Variants in TMEM108 observed in about 807,000 individuals in gnomAD.
TMEM108 encodes transmembrane protein 108.
In TMEM108, 12 loss-of-function variants were observed where a neutral mutation model predicts 35.1. The observed-to-expected ratio is 0.34, with a 90% confidence interval of 0.22 to 0.55. The LOEUF (loss-of-function observed/expected upper bound fraction) is 0.55. Among genes scored for constraint, TMEM108 ranks in the 20% least tolerant of loss-of-function variants. The pLI, the probability that TMEM108 is intolerant of heterozygous loss-of-function variation, is 0.89. For missense variants in TMEM108, 680 were observed against 753.3 expected, an observed-to-expected ratio of 0.90 and a Z score of 1.14; for synonymous variants, 287 against 308.6, an observed-to-expected ratio of 0.93 and a Z score of 0.73.
At chr3:133,051,349 A>G (rs1943402101) in intron 2 of TMEM108, among the ~76,000 whole-genome samples, 1 of 152,006 alleles carries the variant, frequency 6.6e-6, no homozygotes, top group Admixed American at 6.6e-5. Context: ...TCTTTGGACT[A>G]TTTTTTACTC....
chr3:133,297,841 A>G (rs754586997), intron 3 of TMEM108, among the ~76,000 whole-genome samples: 7 of 152,202 alleles, frequency 4.6e-5, no homozygotes, highest in African/African-American at 9.7e-5. Flanking sequence ...TAAGATACTG[A>G]GATCAGAGAA....
At chr3:133,283,083 G>A (rs985554055) in intron 3 of TMEM108, among the ~76,000 whole-genome samples, 3 of 152,056 alleles carry the variant, frequency 2.0e-5, no homozygotes, top group African/African-American at 7.2e-5. Context: ...TAGCAAGAGT[G>A]GTGAGAATTT....
At chr3:133,275,461 T>C (rs1946826246) in intron 3 of TMEM108, among the ~76,000 whole-genome samples, 1 of 152,214 alleles carries the variant, frequency 6.6e-6, no homozygotes, top group South Asian at 2.1e-4. Flanking sequence ...TTACATTGCA[T>C]TTAAGTTCAG....
intron 3 of TMEM108, among the ~76,000 whole-genome samples, chr3:133,339,059 C>CA (rs916502594): frequency 2.0e-5 from 3 of 151,522 alleles, no homozygotes; most frequent in African/African-American, 7.3e-5. Context: ...GAGAAGACCA[C>CA]AAAACAACCA....
chr3:133,391,649 T>G (rs2073236456), intron 5 of TMEM108, among the ~76,000 whole-genome samples: 2 of 152,144 alleles, frequency 1.3e-5, no homozygotes, highest in South Asian at 4.1e-4. Flanking sequence ...CCAGGTTACA[T>G]CACACCCACT....
intron 3 of TMEM108, among the ~76,000 whole-genome samples, chr3:133,244,706 C>T (rs1946360977): frequency 6.6e-6 from 1 of 152,204 alleles, no homozygotes; most frequent in Non-Finnish European, 1.5e-5. Context: ...CCTGACAATC[C>T]TCCAAATTTC....
intron 2 of TMEM108, among the ~76,000 whole-genome samples, chr3:133,124,603 C>T (rs1944392037): frequency 6.6e-6 from 1 of 152,190 alleles, no homozygotes; most frequent in Admixed American, 6.5e-5. Context: ...CACAGCCAGC[C>T]AGCCAGCCCC....
At chr3:133,283,276 T>C (rs1298212823) in intron 3 of TMEM108, among the ~76,000 whole-genome samples, 2 of 152,218 alleles carry the variant, frequency 1.3e-5, no homozygotes, top group Non-Finnish European at 2.9e-5. Context: ...CCCAGCATCC[T>C]ATGCATGGAG....
chr3:133,326,606 C>T (rs959947599), intron 3 of TMEM108, among the ~76,000 whole-genome samples: 2 of 152,094 alleles, frequency 1.3e-5, no homozygotes, highest in African/African-American at 2.4e-5. Flanking sequence ...AACAATGAAT[C>T]GATGAAGAGG....
chr3:133,314,154 A>G (rs1452805014), intron 3 of TMEM108, among the ~76,000 whole-genome samples: 2 of 152,136 alleles, frequency 1.3e-5, no homozygotes, highest in African/African-American at 4.8e-5. Context: ...TGTTTCATCT[A>G]ATGAAGATAA....
chr3:133,308,142 C>A (rs2071070402), intron 3 of TMEM108, among the ~76,000 whole-genome samples: 1 of 152,058 alleles, frequency 6.6e-6, no homozygotes, highest in African/African-American at 2.4e-5. Context: ...GGAGTTCACT[C>A]ATGATTTGGC....
chr3:133,227,354 C>T (rs142318261), intron 2 of TMEM108, among the ~76,000 whole-genome samples: 6,377 of 150,452 alleles, frequency 0.042, 164 homozygotes, highest in Non-Finnish European at 0.062. Flanking sequence ...CCACCTCGCC[C>T]GGCTAATTTT....
At chr3:133,104,901 A>G (rs1389357381) in intron 2 of TMEM108, among the ~76,000 whole-genome samples, 3 of 152,174 alleles carry the variant, frequency 2.0e-5, no homozygotes, top group East Asian at 1.9e-4. Flanking sequence ...TCCCAGGCAC[A>G]GGCATCTGCC....
At position 133,046,482 on chromosome 3, in the gene TMEM108, A is replaced by C. The variant is rs138873326; in HGVS notation, c.-47+462A>C. Reference sequence around the variant, plus strand: ...TTTTTAGTGAAGGAAATAACTTCTCAAAGTGTTGAAAATTCCAGATTTGGT... The same window carrying C: ...TTTTTAGTGAAGGAAATAACTTCTCCAAGTGTTGAAAATTCCAGATTTGGT... On this transcript the variant is annotated intron_variant, in intron 2 of 5. Transcript: ENST00000321871. Among the ~76,000 whole-genome samples the C allele has an allele frequency of 4.2e-3, 635 of 152,310 alleles. 5 individuals carry two copies. Among genetic ancestry groups the C allele is most frequent in the African/African-American group, 0.014 (589 of 41,546 alleles).
At chr3:133,184,231 C>T (rs116578367) in intron 2 of TMEM108, among the ~76,000 whole-genome samples, 105 of 152,128 alleles carry the variant, frequency 6.9e-4, no homozygotes, top group African/African-American at 2.2e-3. Context: ...CAGATGTGAT[C>T]GGAACTAATT....
chr3:133,275,524 T>C (rs1304739468), intron 3 of TMEM108, among the ~76,000 whole-genome samples: 3 of 152,242 alleles, frequency 2.0e-5, no homozygotes, highest in Non-Finnish European at 4.4e-5. Context: ...ATGGCTACTG[T>C]ATTGGATAAT....
At chr3:133,366,493 C>T (rs977921724) in intron 3 of TMEM108, among the ~76,000 whole-genome samples, 1 of 152,176 alleles carries the variant, frequency 6.6e-6, no homozygotes, top group Non-Finnish European at 1.5e-5. Flanking sequence ...TCTTGGGTTC[C>T]GTGACAAGCT....
intron 3 of TMEM108, among the ~76,000 whole-genome samples, chr3:133,238,716 C>T (rs1462896800): frequency 6.6e-6 from 1 of 152,098 alleles, no homozygotes; most frequent in African/African-American, 2.4e-5. Context: ...GTCTTCATGG[C>T]TTGTTTCTCA....
chr3:133,178,492 A>T (rs1249410033), intron 2 of TMEM108, among the ~76,000 whole-genome samples: 4 of 151,954 alleles, frequency 2.6e-5, no homozygotes, highest in Non-Finnish European at 5.9e-5. Context: ...CAGAGCCCTC[A>T]GAAATAATGC....
Sources: gnomAD v4.1 joint callset for allele counts (sites outside exome capture counted in the v4.1 genomes callset) on GRCh38, gnomAD v4.1.1 for gene constraint, MANE v1.5 for transcripts, NCBI Gene and HGNC (gene_info 2026-07-23, HGNC 2026-07-21) for gene names.